APOL1: variants seen among roughly 807,000 people sequenced by gnomAD.
APOL1 encodes the protein apolipoprotein L 1.
A neutral mutation model predicts 14.9 loss-of-function variants in APOL1; 17 were observed. That is an observed-to-expected ratio of 1.14 (90% CI 0.78 to 1.71). APOL1 has a LOEUF of 1.71. APOL1 is among the 40% of genes most tolerant of loss of function. The pLI is 0.00. For missense variants in APOL1, 523 were observed against 485.9 expected (o/e 1.08, Z -0.72); for synonymous variants, 195 against 184.8 (o/e 1.05, Z -0.45).
At chr22:36,259,549 G>A in intron 4 of APOL1, 1 of 1,195,594 alleles carries the variant, frequency 8.4e-7, no homozygotes, top group Non-Finnish European at 1.1e-6. Context: ...CGAGGGGAGG[G>A]CAGGGAAGAT....
chr22:36,263,530 GAACACAGATTA>G (rs1333375164), intron 5 of APOL1, among the ~76,000 whole-genome samples: 1 of 152,218 alleles, frequency 6.6e-6, no homozygotes. Flanking sequence ...CACACGGAAA[GAACACAGATTA>G]AAATCAGCCT....
In APOL1 at chr22:36,265,743, C is replaced by A. The variant is rs924369031; in HGVS notation, c.907C>A (p.Arg303Ser). The change falls in exon 6 of 6, where the codon CGC becomes AGC. Residue 303 changes from arginine (R) to serine (S), a missense_variant. Coordinates refer to ENST00000397278, the MANE Select transcript of APOL1 (RefSeq NM_003661.4). ...GTCAGTACCGCATGCCTCAGCCTCA[C>A]GCCCCCGGGTCACTGAGCCAATCTC... ...LQSVPHASAS[R>S]PRVTEPISAE... 2.5e-6 allele frequency: 4 copies of A among 1,614,114 alleles called. No individual in the cohort carries two copies. The highest frequency in any genetic ancestry group is 3.4e-6 in the Non-Finnish European group (4 of 1,179,996).
rs2016095887 is a variant in APOL1 at position 36,262,170 on chromosome 22, C to A, written c.314+448C>A. Reference sequence around the variant, plus strand: ...TCTTGAAGATGGGAGCCCAGCAGGACTTGACCTTTGGGACAAGTCAGAAAA... The same window carrying A: ...TCTTGAAGATGGGAGCCCAGCAGGAATTGACCTTTGGGACAAGTCAGAAAA... On this transcript the variant is annotated intron_variant, in intron 5 of 5. Coordinates refer to ENST00000397278, the MANE Select transcript of APOL1 (RefSeq NM_003661.4). 2.0e-5 allele frequency among the ~76,000 whole-genome samples: 3 copies of A among 152,326 alleles called. No individual in the cohort carries two copies. In the East Asian group the frequency reaches 5.8e-4, roughly 29 times the overall value.
intron 5 of APOL1, 148 bp from the exon 6 acceptor site, chr22:36,265,003 G>A (rs2016188557): frequency 1.1e-5 from 11 of 1,041,890 alleles, no homozygotes; most frequent in Middle Eastern, 3.2e-4. Flanking sequence ...GGTAGAGACA[G>A]GGTTTCACCG....
intron 4 of APOL1, among the ~76,000 whole-genome samples, chr22:36,261,393 C>G (rs2016066401): frequency 6.6e-6 from 1 of 152,124 alleles, no homozygotes; most frequent in South Asian, 2.1e-4. Flanking sequence ...AAGGCCAGAT[C>G]TCCAAATGTA....
At chr22:36,254,899 A>T in intron 1 of APOL1, 38 bp from the exon 2 acceptor site, 1 of 1,612,098 alleles carries the variant, frequency 6.2e-7, no homozygotes, top group Non-Finnish European at 8.5e-7. Flanking sequence ...ATTTCTCAGG[A>T]GGAGCACACT....
In APOL1 at chr22:36,266,898, C is replaced by A; in HGVS notation, c.*865C>A. 1 of 186,306 alleles carries A rather than the reference C, an allele frequency of 5.4e-6. No homozygotes were observed. The highest frequency in any genetic ancestry group is 1.1e-5 in the Non-Finnish European group (1 of 94,972). 11.5% of individuals were successfully genotyped at this position (186,306 alleles called of 1,614,324 possible). A position where few individuals can be genotyped will look rare whatever the true frequency, so the allele number is the denominator to read the frequency against. On this transcript the variant is annotated 3_prime_UTR_variant, in exon 6 of 6. Coordinates refer to ENST00000397278, the MANE Select transcript of APOL1 (RefSeq NM_003661.4). ...CCAGCCTGGGTGACAGAGCGAGACTCCATCTCAAAAAAAAAAAAAAAAAGA... is the reference window on the plus strand; with the variant it reads ...CCAGCCTGGGTGACAGAGCGAGACTACATCTCAAAAAAAAAAAAAAAAAGA...
At position 36,263,567 on chromosome 22, in the gene APOL1, G is replaced by A. The variant is rs142959115; in HGVS notation, c.315-1584G>A. The stretch of plus-strand genomic sequence containing the variant: ...AAATCAGCCTAAGAAAGAGACACAC[G>A]GGGCAGAGTTTGGGAGGGTTTTAAG... On this transcript the variant is annotated intron_variant, in intron 5 of 5. Transcript: ENST00000397278. Among the ~76,000 whole-genome samples, 25 of 152,346 alleles carry A rather than the reference G, an allele frequency of 1.6e-4. No individual in the cohort carries two copies. In the East Asian group the frequency reaches 4.2e-3, roughly 26 times the overall value.
chr22:36,253,979 A>C, intron 1 of APOL1: 6 of 1,614,246 alleles, frequency 3.7e-6, no homozygotes, highest in Non-Finnish European at 5.1e-6. Context: ...TTCAAAAGCC[A>C]CACTGTGGAA....
chr22:36,262,468 G>A (rs1325535260), intron 5 of APOL1, among the ~76,000 whole-genome samples: 1 of 152,148 alleles, frequency 6.6e-6, no homozygotes, highest in Admixed American at 6.5e-5. Flanking sequence ...GGCAACTCCA[G>A]GTCAAAGGTG....
intron 4 of APOL1, among the ~76,000 whole-genome samples, chr22:36,261,032 C>T (rs1478330646): frequency 6.6e-6 from 1 of 152,188 alleles, no homozygotes; most frequent in Non-Finnish European, 1.5e-5. Flanking sequence ...CTGGAAGGCT[C>T]ACTTCATGTT....
At position 36,261,904 on chromosome 22, in the gene APOL1, C is replaced by T. The variant is rs191825972; in HGVS notation, c.314+182C>T. 1.1e-4 allele frequency among the ~76,000 whole-genome samples: 17 copies of T among 152,316 alleles called. No individual in the cohort carries two copies. The East Asian group carries it at 3.3e-3, about 29-fold the overall frequency. ...ATGTCCTTCGCTGGCAGTGAGTAGC[C>T]TCAGGCTGAGGGGATAGGAAGCCCA... On this transcript the variant is annotated intron_variant, in intron 5 of 5. Coordinates refer to ENST00000397278, the MANE Select transcript of APOL1 (RefSeq NM_003661.4).
At chr22:36,255,283 C>A (rs2015830380) in intron 2 of APOL1, among the ~76,000 whole-genome samples, 1 of 152,258 alleles carries the variant, frequency 6.6e-6, no homozygotes, top group Non-Finnish European at 1.5e-5. Flanking sequence ...CAGCTCCTCA[C>A]AAGTGTCGGG....
At chr22:36,256,385 G>C (rs1196783828) in intron 2 of APOL1, among the ~76,000 whole-genome samples, 1 of 152,206 alleles carries the variant, frequency 6.6e-6, no homozygotes, top group African/African-American at 2.4e-5. Context: ...CTCAAATGTG[G>C]GCAAAGTTTT....
At chr22:36,262,769 G>A (rs978622085) in intron 5 of APOL1, among the ~76,000 whole-genome samples, 3 of 152,288 alleles carry the variant, frequency 2.0e-5, no homozygotes, top group South Asian at 2.1e-4. Flanking sequence ...CTCACACCAC[G>A]CCTTGGAACT....
chr22:36,254,934 A>G lies in APOL1; in HGVS notation c.-19-3A>G, dbSNP rs773763596. On this transcript the variant is annotated splice_polypyrimidine_tract_variant and splice_region_variant and intron_variant, in intron 1 of 5. Transcript: ENST00000397278. ...TGTCTCAACCCCTCTTTTCCTGCTC[A>G]AGGAGGAGGCCCTGCAGCGACATGG... 3.7e-5 allele frequency: 60 copies of G among 1,613,720 alleles called. No individual in the cohort carries two copies. The Admixed American group carries it at 9.8e-4, about 26-fold the overall frequency.
rs973138275 is a variant in APOL1, at chr22:36,255,039, C to T, written c.44+40C>T. ...GAGCCCTGAGGCGGGAGGGAGGGCT[C>T]CCTGTCTGGGCTGCACAATTGGACT... On this transcript the variant is annotated intron_variant, in intron 2 of 5. Transcript: ENST00000397278. 14 of 1,594,662 alleles carry T rather than the reference C, an allele frequency of 8.8e-6. No homozygotes were observed. In the African/African-American group the frequency reaches 1.6e-4, roughly 18 times the overall value.
intron 5 of APOL1, among the ~76,000 whole-genome samples, chr22:36,263,250 A>G (rs923333950): frequency 5.9e-5 from 9 of 152,238 alleles, no homozygotes; most frequent in South Asian, 2.1e-4. Context: ...GGCAGTGGCC[A>G]GAACCAGTAG....
chr22:36,264,334 A>G (rs1345057687), intron 5 of APOL1, among the ~76,000 whole-genome samples: 1 of 152,206 alleles, frequency 6.6e-6, no homozygotes, highest in Admixed American at 6.5e-5. Flanking sequence ...TCCCGTGGCC[A>G]AATCACCAGG....
Sources: allele counts gnomAD v4.1 joint callset (sites outside exome capture counted in the v4.1 genomes callset), GRCh38; gene constraint gnomAD v4.1.1; transcripts MANE v1.5; gene names NCBI Gene and HGNC (gene_info 2026-07-23, HGNC 2026-07-21).